The following SHISAL1 variants were observed in gnomAD, a reference collection of about 807,000 sequenced individuals.
SHISAL1 encodes protein shisa-like-1.
Under a neutral mutation model 22.6 loss-of-function variants are expected in SHISAL1, and 9 were observed. The observed-to-expected ratio is 0.40, with a 90% CI of 0.24 to 0.70. The LOEUF (loss-of-function observed/expected upper bound fraction) is 0.70. Ranked by LOEUF, SHISAL1 falls within the 30% of genes least tolerant of loss-of-function variation. The pLI is 0.39. For synonymous variants in SHISAL1, 119 were observed against 115.4 expected (o/e 1.03, Z -0.20); for missense variants, 246 against 270.6 (o/e 0.91, Z 0.64).
intron 3 of SHISAL1, among the ~76,000 whole-genome samples, chr22:44,290,891 A>AGG (rs1456473714): frequency 1.3e-5 from 2 of 152,216 alleles, no homozygotes; most frequent in African/African-American, 4.8e-5. Context: ...GCCCAAGGTC[A>AGG]CACAGCAGGA....
At chr22:44,272,077 C>T (rs1410766606) in intron 4 of SHISAL1, among the ~76,000 whole-genome samples, 1 of 152,158 alleles carries the variant, frequency 6.6e-6, no homozygotes, top group Admixed American at 6.5e-5. Context: ...ATTATAGGAG[C>T]CACCTCTGAG....
rs116924722 is a variant in SHISAL1 at position 44,276,766 on chromosome 22, G to C, written c.599+8662C>G. On this transcript the variant is annotated intron_variant, in intron 4 of 4. Coordinates refer to ENST00000381176, the MANE Select transcript of SHISAL1 (RefSeq NM_001099294.2). Reference sequence around the variant, plus strand: ...AGCAGATCTGGATTCAGGGGAGAGAGACCAGGGAGAAAGAACGGGAGGTGG... The same window carrying C: ...AGCAGATCTGGATTCAGGGGAGAGACACCAGGGAGAAAGAACGGGAGGTGG... 3.3e-5 allele frequency among the ~76,000 whole-genome samples: 5 copies of C among 152,294 alleles called. No individual in the cohort carries two copies. The East Asian group carries it at 9.7e-4, about 29-fold the overall frequency.
At chr22:44,277,864 A>G (rs1376210891) in intron 4 of SHISAL1, among the ~76,000 whole-genome samples, 1 of 152,154 alleles carries the variant, frequency 6.6e-6, no homozygotes, top group African/African-American at 2.4e-5. Flanking sequence ...GTTGAATTAA[A>G]AACCCAAGAC....
chr22:44,316,011 AC>A (rs1004427486), upstream of SHISAL1, among the ~76,000 whole-genome samples: 1 of 151,792 alleles, frequency 6.6e-6, no homozygotes, highest in Admixed American at 6.6e-5. Context: ...GGCAATGATA[AC>A]CCCCCAGGGG....
At chr22:44,259,146 G>T (rs952521341) in intron 4 of SHISAL1, among the ~76,000 whole-genome samples, 30 of 152,316 alleles carry the variant, frequency 2.0e-4, no homozygotes, top group African/African-American at 7.0e-4. Context: ...CCACATGGTA[G>T]AAACGGCCAG....
chr22:44,329,453 A>AC, the SHISAL1 span, among the ~76,000 whole-genome samples: 23,476 of 151,790 alleles, frequency 0.15, 2,287 homozygotes, highest in East Asian at 0.3. Flanking sequence ...ACACACACAC[A>AC]CACACACACA....
chr22:44,326,189 C>T, the SHISAL1 span, among the ~76,000 whole-genome samples: 5 of 152,144 alleles, frequency 3.3e-5, no homozygotes, highest in South Asian at 2.1e-4. Context: ...CCATCGTTTC[C>T]GTGACAAGCT....
chr22:44,293,029 AG>A (rs138869591), intron 3 of SHISAL1, among the ~76,000 whole-genome samples: 2,251 of 148,360 alleles, frequency 0.015, 58 homozygotes, highest in African/African-American at 0.05. Context: ...TGGGCTAGAC[AG>A]GGCCCCGGAC....
At chr22:44,308,976 C>G (rs1248002140) in intron 1 of SHISAL1, among the ~76,000 whole-genome samples, 1 of 152,222 alleles carries the variant, frequency 6.6e-6, no homozygotes, top group East Asian at 1.9e-4. Flanking sequence ...TGTGAAGCGG[C>G]TGGTGGCGGA....
At chr22:44,311,050 C>T (rs776413481) in intron 1 of SHISAL1, among the ~76,000 whole-genome samples, 1 of 150,312 alleles carries the variant, frequency 6.7e-6, no homozygotes, top group Admixed American at 6.6e-5. Flanking sequence ...TGAGACATGG[C>T]CTCAACTTTT....
chr22:44,297,364 C>T (rs2055394376), intron 2 of SHISAL1, among the ~76,000 whole-genome samples: 1 of 152,238 alleles, frequency 6.6e-6, no homozygotes, highest in South Asian at 2.1e-4. Context: ...GGGCCCTCTC[C>T]AGTCTTGTAT....
At chr22:44,323,361 T>C in the SHISAL1 span, among the ~76,000 whole-genome samples, 284 of 130,862 alleles carry the variant, frequency 2.2e-3, 1 homozygote, top group Non-Finnish European at 3.8e-3. Flanking sequence ...CATCCATGCA[T>C]CCATCCACCA....
the SHISAL1 span, among the ~76,000 whole-genome samples, chr22:44,328,432 T>A: frequency 6.6e-6 from 1 of 152,144 alleles, no homozygotes; most frequent in Non-Finnish European, 1.5e-5. Flanking sequence ...GGGGCAGGCC[T>A]TCGGGCTGTC....
At chr22:44,286,805 A>G (rs1278683792) in intron 3 of SHISAL1, among the ~76,000 whole-genome samples, 1 of 152,154 alleles carries the variant, frequency 6.6e-6, no homozygotes, top group Non-Finnish European at 1.5e-5. Context: ...CAGCAGCTGG[A>G]GCTGCCGAGC....
At chr22:44,315,246 G>T (rs1333290614), upstream of SHISAL1, among the ~76,000 whole-genome samples, 2 of 152,130 alleles carry the variant, frequency 1.3e-5, no homozygotes, top group Admixed American at 6.5e-5. Flanking sequence ...GAAAATCAAG[G>T]TTCAAAATAT....
the SHISAL1 span, among the ~76,000 whole-genome samples, chr22:44,318,163 G>A: frequency 1.3e-5 from 2 of 152,270 alleles, no homozygotes; most frequent in Non-Finnish European, 2.9e-5. Context: ...CTCTCTGCAG[G>A]CCCGATGCCA....
intron 4 of SHISAL1, among the ~76,000 whole-genome samples, chr22:44,271,193 T>G (rs1405102264): frequency 6.6e-6 from 1 of 152,116 alleles, no homozygotes; most frequent in East Asian, 1.9e-4. Flanking sequence ...GTGATGCAAC[T>G]TGCCCAAGGA....
At position 44,296,853 on chromosome 22, in the gene SHISAL1, A is replaced by G. The variant is rs779514166; in HGVS notation, c.100T>C (p.Tyr34His). ...TGGTAGCGGCCTTTGTGGTCTGTGT[A>G]TGGTTCACAGACCCGGAAATGTGCA... is the stretch of plus-strand genomic sequence containing the variant. The part of the protein sequence containing the change: ...LSAHFRVCEP[Y>H]TDHKGRYHFG... Residue 34 changes from tyrosine (Y) to histidine (H), a missense_variant, in exon 3 of 5, where the codon TAC (tyrosine) becomes CAC (histidine). By Grantham distance (83) the Tyr-to-His change is moderately conservative. Coordinates refer to ENST00000381176, the MANE Select transcript of SHISAL1 (RefSeq NM_001099294.2). 3 of 1,612,878 alleles carry G rather than the reference A, an allele frequency of 1.9e-6. No individual in the cohort carries two copies. The highest frequency in any genetic ancestry group is 2.5e-6 in the Non-Finnish European group (3 of 1,180,004).
intron 4 of SHISAL1, among the ~76,000 whole-genome samples, chr22:44,281,072 C>T (rs2055273307): frequency 6.6e-6 from 1 of 152,182 alleles, no homozygotes; most frequent in Non-Finnish European, 1.5e-5. Context: ...GCCCCCTCCA[C>T]TGCTTGCTCC....
Sources: gnomAD v4.1 joint callset for allele counts (sites outside exome capture counted in the v4.1 genomes callset) on GRCh38, gnomAD v4.1.1 for gene constraint, MANE v1.5 for transcripts, NCBI Gene and HGNC (gene_info 2026-07-23, HGNC 2026-07-21) for gene names.